Variants in ADAMTSL1 observed in about 807,000 individuals in gnomAD.
ADAMTSL1 encodes ADAMTS-like protein 1.
ADAMTSL1 carries 126 observed loss-of-function variants against 201.8 expected under a neutral mutation model. The observed-to-expected ratio is 0.62, with a 90% CI of 0.54 to 0.72. ADAMTSL1 has a LOEUF of 0.72. ADAMTSL1 is among the 30% of genes least tolerant of loss of function. The pLI, the probability that ADAMTSL1 is intolerant of heterozygous loss-of-function variation, is 0.00. For synonymous variants in ADAMTSL1, 1,121 were observed against 903.4 expected (o/e 1.24, Z -4.32); for missense variants, 2,679 against 2,277.8 (o/e 1.18, Z -3.59).
intron 17 of ADAMTSL1, among the ~76,000 whole-genome samples, chr9:18,772,824 T>C (rs930894358): frequency 3.9e-5 from 6 of 152,210 alleles, no homozygotes; most frequent in Non-Finnish European, 8.8e-5. Flanking sequence ...CAGGCTCTCC[T>C]GGTCTTCCTC....
chr9:18,521,925 C>T (rs1818721186), intron 2 of ADAMTSL1, among the ~76,000 whole-genome samples: 1 of 152,098 alleles, frequency 6.6e-6, no homozygotes, highest in African/African-American at 2.4e-5. Context: ...GAGGTAAGAC[C>T]ACAAGTAACC....
chr9:18,279,585 A>G (rs1161102302), intron 2 of ADAMTSL1, among the ~76,000 whole-genome samples: 2 of 151,868 alleles, frequency 1.3e-5, no homozygotes, highest in Non-Finnish European at 2.9e-5. Flanking sequence ...TCGGGGAAAC[A>G]TGACACCACC....
intron 2 of ADAMTSL1, among the ~76,000 whole-genome samples, chr9:18,350,725 G>GCCCTCTTCA (rs1218173768): frequency 6.6e-6 from 1 of 151,942 alleles, no homozygotes; most frequent in Non-Finnish European, 1.5e-5. Flanking sequence ...ACCTGAAGAG[G>GCCCTCTTCA]GTATACATTT....
intron 3 of ADAMTSL1, among the ~76,000 whole-genome samples, chr9:18,568,414 T>C (rs2132325139): frequency 6.6e-6 from 1 of 152,332 alleles, no homozygotes; most frequent in East Asian, 1.9e-4. Flanking sequence ...CCATTTATTA[T>C]AGAGCAGCCT....
intron 1 of ADAMTSL1, among the ~76,000 whole-genome samples, chr9:18,074,502 T>TTTTCA (rs1823112360): frequency 1.4e-5 from 1 of 71,178 alleles, no homozygotes; most frequent in Non-Finnish European, 2.8e-5. Context: ...TTTTCTTTTC[T>TTTTCA]TTTCTTTTCT....
intron 1 of ADAMTSL1, among the ~76,000 whole-genome samples, chr9:17,925,734 T>A (rs1377358387): frequency 7.0e-6 from 1 of 141,918 alleles, no homozygotes; most frequent in Non-Finnish European, 1.5e-5. Flanking sequence ...AGGGATAGCA[T>A]TGGGAGATAT....
At chr9:18,020,638 C>A (rs1413377361) in intron 1 of ADAMTSL1, among the ~76,000 whole-genome samples, 1 of 152,062 alleles carries the variant, frequency 6.6e-6, no homozygotes, top group Middle Eastern at 3.2e-3. Context: ...CCAGTTGCCT[C>A]CCACCAGGTC....
chr9:18,390,638 C>G (rs1457713945), intron 2 of ADAMTSL1, among the ~76,000 whole-genome samples: 1 of 152,190 alleles, frequency 6.6e-6, no homozygotes, highest in East Asian at 1.9e-4. Flanking sequence ...AAAATCCTCT[C>G]AGGAGTGTTG....
intron 2 of ADAMTSL1, among the ~76,000 whole-genome samples, chr9:18,328,206 C>T (rs535435907): frequency 8.5e-5 from 13 of 152,306 alleles, no homozygotes; most frequent in African/African-American, 3.1e-4. Context: ...CAATTTGTTA[C>T]TTTTCACTGC....
intron 1 of ADAMTSL1, among the ~76,000 whole-genome samples, chr9:18,127,554 A>G (rs2131949937): frequency 6.6e-6 from 1 of 152,066 alleles, no homozygotes; most frequent in East Asian, 1.9e-4. Context: ...GAATACTAAC[A>G]TTTTTACCAG....
At chr9:18,490,102 C>T (rs1469383026) in intron 1 of ADAMTSL1, among the ~76,000 whole-genome samples, 4 of 152,220 alleles carry the variant, frequency 2.6e-5, no homozygotes, top group Non-Finnish European at 5.9e-5. Flanking sequence ...CCCAAACCAT[C>T]ATTCCTATCT....
At chr9:18,016,382 A>T (rs1364472619) in intron 1 of ADAMTSL1, among the ~76,000 whole-genome samples, 1 of 151,946 alleles carries the variant, frequency 6.6e-6, no homozygotes, top group Non-Finnish European at 1.5e-5. Flanking sequence ...TTCTTGTCAT[A>T]GTTTCTAGTA....
chr9:18,438,312 C>A (rs539338006), intron 2 of ADAMTSL1, among the ~76,000 whole-genome samples: 1 of 152,090 alleles, frequency 6.6e-6, no homozygotes, highest in African/African-American at 2.4e-5. Context: ...AAAATAACTT[C>A]TGGTGAAAAT....
At position 18,777,066 on chromosome 9, in the gene ADAMTSL1, C is replaced by G; in HGVS notation, c.2837C>G (p.Thr946Ser). 1 of 1,613,376 alleles carries G rather than the reference C, an allele frequency of 6.2e-7. No homozygotes were observed. The highest frequency in any genetic ancestry group is 8.5e-7 in the Non-Finnish European group (1 of 1,179,798). Reference sequence around the variant, plus strand: ...AAGCCCTCGGATGCAGGCGTCTACACCTGCTCAGCGGGCCCGGCCCGGGAG... The same window carrying G: ...AAGCCCTCGGATGCAGGCGTCTACAGCTGCTCAGCGGGCCCGGCCCGGGAG... Reference protein sequence around the residue: ...RLKPSDAGVYTCSAGPAREHF... With the variant: ...RLKPSDAGVYSCSAGPAREHF... Residue 946 changes from threonine to serine, a missense_variant, in exon 19 of 29, where the codon ACC becomes AGC. Transcript: ENST00000380548.
intron 2 of ADAMTSL1, among the ~76,000 whole-genome samples, chr9:18,213,148 C>CT (rs1829938475): frequency 6.6e-6 from 1 of 152,166 alleles, no homozygotes; most frequent in South Asian, 2.1e-4. Flanking sequence ...AAACTGTAAG[C>CT]TACAAGCTCT....
At chr9:18,411,383 G>C (rs1162840256) in intron 2 of ADAMTSL1, among the ~76,000 whole-genome samples, 1 of 151,248 alleles carries the variant, frequency 6.6e-6, no homozygotes, top group African/African-American at 2.4e-5. Flanking sequence ...TTTTTTTATA[G>C]AGACTGGGTT....
At chr9:17,941,866 G>A (rs1437163531) in intron 1 of ADAMTSL1, among the ~76,000 whole-genome samples, 1 of 152,110 alleles carries the variant, frequency 6.6e-6, no homozygotes, top group Non-Finnish European at 1.5e-5. Context: ...TCTACTCCCT[G>A]CTTCATAGAA....
intron 23 of ADAMTSL1, among the ~76,000 whole-genome samples, chr9:18,872,956 C>T (rs1421342416): frequency 6.6e-6 from 1 of 152,152 alleles, no homozygotes; most frequent in Non-Finnish European, 1.5e-5. Flanking sequence ...AAAAGTGTTC[C>T]TTTCTACCAC....
chr9:18,850,073 A>G (rs1342061290), intron 23 of ADAMTSL1, among the ~76,000 whole-genome samples: 1 of 152,256 alleles, frequency 6.6e-6, no homozygotes, highest in African/African-American at 2.4e-5. Flanking sequence ...AAAGCAAGGC[A>G]GTAAATGTCA....
Sources: allele counts gnomAD v4.1 joint callset (sites outside exome capture counted in the v4.1 genomes callset), GRCh38; gene constraint gnomAD v4.1.1; transcripts MANE v1.5; gene names NCBI Gene and HGNC (gene_info 2026-07-23, HGNC 2026-07-21).